The following GREB1L variants were observed in gnomAD, a reference collection of about 807,000 sequenced individuals.
GREB1L encodes GREB1-like protein.
A neutral mutation model predicts 200.8 loss-of-function variants in GREB1L; 17 were observed. That is an observed-to-expected ratio of 0.08 (90% CI 0.06 to 0.13). The LOEUF is 0.13. Ranked by LOEUF, GREB1L falls within the 10% of genes least tolerant of loss-of-function variation. The pLI, the probability that GREB1L is intolerant of heterozygous loss-of-function variation, is 1.00. For synonymous variants in GREB1L, 789 were observed against 893.0 expected (o/e 0.88, Z 2.08); for missense variants, 1,657 against 2,367.7 (o/e 0.70, Z 6.23).
At chr18:21,388,397 A>T (rs2040632552) in intron 4 of GREB1L, among the ~76,000 whole-genome samples, 1 of 152,006 alleles carries the variant, frequency 6.6e-6, no homozygotes, top group African/African-American at 2.4e-5. Flanking sequence ...ATATTGATAC[A>T]TTTTTATTAA....
chr18:21,398,657 T>C (rs1224041954), intron 5 of GREB1L, among the ~76,000 whole-genome samples: 2 of 152,248 alleles, frequency 1.3e-5, no homozygotes, highest in Non-Finnish European at 2.9e-5. Context: ...TGCATTAAAA[T>C]ATAGTGGAAA....
In GREB1L at chr18:21,508,134, T is replaced by G. The variant is rs988433972; in HGVS notation, c.4385T>G (p.Leu1462Arg). 35 of 1,551,668 alleles carry G rather than the reference T, an allele frequency of 2.3e-5. No homozygotes were observed. Among genetic ancestry groups the G allele is most frequent in the Non-Finnish European group, 3.0e-5 (34 of 1,146,984 alleles). The change falls in exon 26 of 33, where the codon CTT (leucine) becomes CGT (arginine). Residue 1462 changes from leucine to arginine, a missense_variant. This residue lies in a region of GREB1L where 512 missense variants were observed against 668.3 expected (regional missense o/e 0.77). Transcript: ENST00000424526. ...TSASQMSDST[L>R]HAFTFSSSML... ...CAAATGTAGATGTCTGACTCCACCC[T>G]TCATGCCTTCACATTCTCTTCTTCT...
intron 1 of GREB1L, among the ~76,000 whole-genome samples, chr18:21,273,848 C>T (rs2038118212): frequency 6.6e-6 from 1 of 152,018 alleles, no homozygotes; most frequent in Non-Finnish European, 1.5e-5. Flanking sequence ...TAAGCATGGG[C>T]CTCCAGACCA....
intron 7 of GREB1L, among the ~76,000 whole-genome samples, chr18:21,404,560 C>T (rs2029947151): frequency 6.6e-6 from 1 of 152,182 alleles, no homozygotes; most frequent in African/African-American, 2.4e-5. Context: ...AGCAGAATGA[C>T]TGATCCTACT....
At chr18:21,328,520 C>A (rs2039058769) in intron 1 of GREB1L, among the ~76,000 whole-genome samples, 2 of 152,186 alleles carry the variant, frequency 1.3e-5, no homozygotes, top group Admixed American at 1.3e-4. Flanking sequence ...TCATGTCACC[C>A]TGGCCTGCCC....
rs909105249 is a variant in GREB1L at position 21,525,772 on chromosome 18, T to C, written c.*2951T>C. Among the ~76,000 whole-genome samples the C allele has an allele frequency of 7.2e-5, 11 of 152,244 alleles. No homozygotes were observed. The highest frequency in any genetic ancestry group is 1.5e-4 in the Non-Finnish European group (10 of 68,040). ...CTGTTATTGTAGTATGAATTATATC[T>C]TCTTAAAAAATTTTACCAACTTTTG... is the stretch of plus-strand genomic sequence containing the variant. On this transcript the variant is annotated 3_prime_UTR_variant, in exon 33 of 33. Transcript: ENST00000424526.
intron 7 of GREB1L, among the ~76,000 whole-genome samples, chr18:21,436,669 G>GGGGTGTGTGTGTGT (rs1447242837): frequency 1.5e-5 from 2 of 132,456 alleles, no homozygotes; most frequent in African/African-American, 5.7e-5. Flanking sequence ...AAAGTTCAGT[G>GGGGTGTGTGTGTGT]GTGTGTGTGT....
rs1163618574 is a variant in GREB1L, at chr18:21,452,096, C to T, written c.1863C>T (p.Asp621=). Residue 621 remains aspartate, a synonymous_variant, in exon 14 of 33, where the codon GAC becomes GAT. Coordinates refer to ENST00000424526, the MANE Select transcript of GREB1L (RefSeq NM_001142966.3). The part of the protein sequence containing the change: ...FKTTSLGDDL[D]KLLEKMQQRR... ...ATTTTGTAATAGGCGATGACCTAGA[C>T]AAGCTGCTGGAAAAAATGCAACAAA... 6.5e-7 allele frequency: 1 copy of T among 1,549,316 alleles called. No homozygotes were observed. Among genetic ancestry groups the T allele is most frequent in the South Asian group, 1.2e-5 (1 of 84,040 alleles).
At chr18:21,276,386 G>T (rs1048837966) in intron 1 of GREB1L, among the ~76,000 whole-genome samples, 2 of 152,154 alleles carry the variant, frequency 1.3e-5, no homozygotes, top group Non-Finnish European at 2.9e-5. Flanking sequence ...GGAAATGGGT[G>T]GTTCATTCCC....
chr18:21,448,927 C>G (rs1335200397), intron 11 of GREB1L, among the ~76,000 whole-genome samples: 1 of 152,178 alleles, frequency 6.6e-6, no homozygotes, highest in Admixed American at 6.5e-5. Context: ...TGGGGAATAA[C>G]TAGATCATGA....
intron 4 of GREB1L, among the ~76,000 whole-genome samples, chr18:21,393,314 T>C (rs556731573): frequency 8.3e-4 from 126 of 152,186 alleles, no homozygotes; most frequent in African/African-American, 3.0e-3. Context: ...TCCCTGTTCT[T>C]GAGAGCAAGT....
chr18:21,338,105 A>G (rs1307529202), intron 1 of GREB1L, among the ~76,000 whole-genome samples: 2 of 152,218 alleles, frequency 1.3e-5, no homozygotes, highest in East Asian at 1.9e-4. Context: ...CTTAATCCAA[A>G]TAAGTGGTTT....
Position 21,522,947 on chromosome 18 carries a change from T to A in GREB1L, c.*126T>A, listed in dbSNP as rs1360018607. On this transcript the variant is annotated 3_prime_UTR_variant, in exon 33 of 33. Transcript: ENST00000424526. ...CAAAGTGCAACATATTTGTCTAAATTCTCCAAAGAACTCCCCAAATCTGAT... is the reference window on the plus strand; with the variant it reads ...CAAAGTGCAACATATTTGTCTAAATACTCCAAAGAACTCCCCAAATCTGAT... 1.1e-6 allele frequency: 1 copy of A among 878,730 alleles called. No individual in the cohort carries two copies. Among genetic ancestry groups the A allele is most frequent in the African/African-American group, 1.7e-5 (1 of 58,854 alleles). The allele number at this position is 878,730 out of a possible 1,614,324, so 54.4% of individuals were successfully genotyped here.
chr18:21,426,057 A>ATTT (rs201525429), intron 7 of GREB1L, among the ~76,000 whole-genome samples: 1 of 134,642 alleles, frequency 7.4e-6, no homozygotes, highest in Admixed American at 7.5e-5. Flanking sequence ...TTTTAGGTTA[A>ATTT]TTTTTTTTTT....
chr18:21,514,522 C>A (rs1568077097), intron 28 of GREB1L, among the ~76,000 whole-genome samples: 1 of 152,172 alleles, frequency 6.6e-6, no homozygotes. Context: ...CTCAAAAAAA[C>A]AAAAATAAAG....
At chr18:21,307,175 C>T (rs931595934) in intron 1 of GREB1L, among the ~76,000 whole-genome samples, 4 of 152,196 alleles carry the variant, frequency 2.6e-5, no homozygotes, top group African/African-American at 7.2e-5. Flanking sequence ...TTTTGAGCCC[C>T]TTTCCTTCCC....
chr18:21,417,309 G>C (rs904445364), intron 7 of GREB1L, among the ~76,000 whole-genome samples: 3 of 151,966 alleles, frequency 2.0e-5, no homozygotes, highest in Non-Finnish European at 4.4e-5. Flanking sequence ...ATCACTTGAG[G>C]TCAGGAGTTT....
chr18:21,354,824 T>C (rs1186365943), intron 1 of GREB1L, among the ~76,000 whole-genome samples: 1 of 152,216 alleles, frequency 6.6e-6, no homozygotes, highest in African/African-American at 2.4e-5. Flanking sequence ...ACACAGCATT[T>C]AGGAAGAGAA....
intron 14 of GREB1L, chr18:21,452,505 T>G (rs2145444450): frequency 3.2e-6 from 1 of 309,218 alleles, no homozygotes; most frequent in Non-Finnish European, 5.9e-6. Context: ...TGGCTCATTT[T>G]CCTTAGCTCC....
Sources: allele counts gnomAD v4.1 joint callset (sites outside exome capture counted in the v4.1 genomes callset), GRCh38; gene constraint gnomAD v4.1.1; regional missense constraint gnomAD v4.1.1; transcripts MANE v1.5; gene names NCBI Gene and HGNC (gene_info 2026-07-23, HGNC 2026-07-21).